GRB10: variants seen among roughly 807,000 people sequenced by gnomAD.
GRB10 encodes growth factor receptor-bound protein 10.
A neutral mutation model predicts 80.9 loss-of-function variants in GRB10; 20 were observed. The observed-to-expected ratio is 0.25, with a 90% CI of 0.17 to 0.36. The LOEUF (loss-of-function observed/expected upper bound fraction) is 0.36, where lower values mean the gene tolerates loss of function less well. Ranked by LOEUF, GRB10 falls within the 10% of genes least tolerant of loss-of-function variation. GRB10 has a pLI of 1.00. For missense variants in GRB10, 548 were observed against 747.7 expected (o/e 0.73, Z 3.12); for synonymous variants, 291 against 291.5 (o/e 1.00, Z 0.02).
chr7:50,770,225 C>T (rs2076845278), intron 2 of GRB10, among the ~76,000 whole-genome samples: 1 of 152,156 alleles, frequency 6.6e-6, no homozygotes, highest in African/African-American at 2.4e-5. Flanking sequence ...AGGCTGCATC[C>T]ACGTTTTAAC....
At chr7:50,732,674 C>T (rs959338189) in intron 3 of GRB10, among the ~76,000 whole-genome samples, 2 of 150,260 alleles carry the variant, frequency 1.3e-5, no homozygotes, top group African/African-American at 2.4e-5. Context: ...CCTGCACTGC[C>T]TCACCCTTCT....
At chr7:50,705,636 A>G (rs2064937285) in intron 4 of GRB10, among the ~76,000 whole-genome samples, 1 of 152,214 alleles carries the variant, frequency 6.6e-6, no homozygotes, top group Non-Finnish European at 1.5e-5. Flanking sequence ...CCTGATAAAC[A>G]CTGAATCATA....
chr7:50,648,817 G>C (rs191557253), intron 7 of GRB10, among the ~76,000 whole-genome samples: 20 of 152,252 alleles, frequency 1.3e-4, no homozygotes, highest in Non-Finnish European at 2.2e-4. Flanking sequence ...AAGCTTTTGA[G>C]AGCAATCTTC....
intron 17 of GRB10, 94 bp downstream of exon 17, chr7:50,603,904 G>T: frequency 9.4e-7 from 1 of 1,060,576 alleles, no homozygotes. Context: ...ACTGCTGCCT[G>T]TCCAGCAAGG....
At chr7:50,602,977 G>A (rs2047880257) in intron 17 of GRB10, among the ~76,000 whole-genome samples, 1 of 152,148 alleles carries the variant, frequency 6.6e-6, no homozygotes, top group South Asian at 2.1e-4. Context: ...AAGGGAAGAG[G>A]TGAAGTAAGC....
At chr7:50,710,935 A>G in intron 4 of GRB10, 1 of 1,609,796 alleles carries the variant, frequency 6.2e-7, no homozygotes, top group Non-Finnish European at 8.5e-7. Context: ...CTCTCTCTAC[A>G]GTGGGTATCA....
At chr7:50,620,545 A>G (rs1010813023) in intron 8 of GRB10, among the ~76,000 whole-genome samples, 6 of 152,178 alleles carry the variant, frequency 3.9e-5, no homozygotes, top group Non-Finnish European at 8.8e-5. Context: ...TTGACATTAC[A>G]AGGAAAGGAT....
At chr7:50,760,618 T>C (rs967963625) in intron 2 of GRB10, among the ~76,000 whole-genome samples, 2 of 152,148 alleles carry the variant, frequency 1.3e-5, no homozygotes, top group Non-Finnish European at 2.9e-5. Context: ...TCTAGTAAAA[T>C]GCACCCTAAA....
chr7:50,702,176 A>G (rs1243977977), intron 5 of GRB10, among the ~76,000 whole-genome samples: 1 of 151,970 alleles, frequency 6.6e-6, no homozygotes, highest in Admixed American at 6.6e-5. Context: ...GGCTGCATCC[A>G]CTCTGTCTGG....
rs2049846027 is a variant in GRB10 at position 50,612,933 on chromosome 7, C to A, written c.1096-94G>T. ...GGCTGCATCTGACACAAACCAGAGACAACCAGCTGGAGATCCCCCTAGCAA... is the reference window on the plus strand; with the variant it reads ...GGCTGCATCTGACACAAACCAGAGAAAACCAGCTGGAGATCCCCCTAGCAA... On this transcript the variant is annotated intron_variant, in intron 12 of 18. Coordinates refer to ENST00000401949, the MANE Select transcript of GRB10 (RefSeq NM_001350814.2). 20 of 800,238 alleles carry A rather than the reference C, an allele frequency of 2.5e-5. No individual in the cohort carries two copies. In the South Asian group the frequency reaches 2.9e-4, roughly 12 times the overall value. The allele number at this position is 800,238 out of a possible 1,614,324, so 49.6% of individuals were successfully genotyped here.
intron 2 of GRB10, among the ~76,000 whole-genome samples, chr7:50,764,639 G>A (rs1354963215): frequency 6.6e-6 from 1 of 152,170 alleles, no homozygotes; most frequent in African/African-American, 2.4e-5. Flanking sequence ...AGCTGGGGTG[G>A]GGGCAGCCTG....
intron 7 of GRB10, among the ~76,000 whole-genome samples, chr7:50,666,650 A>C (rs1041504002): frequency 6.6e-6 from 1 of 152,166 alleles, no homozygotes; most frequent in Non-Finnish European, 1.5e-5. Context: ...CGCCAGGTCC[A>C]CATCATGGTA....
intron 2 of GRB10, among the ~76,000 whole-genome samples, chr7:50,770,485 C>T (rs1175150491): frequency 6.6e-6 from 1 of 152,214 alleles, no homozygotes; most frequent in Non-Finnish European, 1.5e-5. Context: ...CCTGTGCTTC[C>T]ACCTGTGGTA....
At chr7:50,639,736 C>G (rs1364034537) in intron 7 of GRB10, among the ~76,000 whole-genome samples, 1 of 151,198 alleles carries the variant, frequency 6.6e-6, no homozygotes, top group African/African-American at 2.4e-5. Context: ...CCACAGTGAA[C>G]AAGTCTCACT....
At chr7:50,629,669 T>G (rs1002455786) in intron 7 of GRB10, among the ~76,000 whole-genome samples, 2 of 152,224 alleles carry the variant, frequency 1.3e-5, no homozygotes, top group Non-Finnish European at 2.9e-5. Flanking sequence ...ATGAGAATGT[T>G]TGTAAGGAAC....
chr7:50,739,973 T>C (rs2071433048), intron 3 of GRB10, among the ~76,000 whole-genome samples: 1 of 152,208 alleles, frequency 6.6e-6, no homozygotes, highest in Non-Finnish European at 1.5e-5. Context: ...ACACAGCTCA[T>C]CTGCTTAAAG....
chr7:50,718,186 A>C (rs2067178069), intron 4 of GRB10, among the ~76,000 whole-genome samples: 1 of 152,214 alleles, frequency 6.6e-6, no homozygotes, highest in Non-Finnish European at 1.5e-5. Context: ...AAGCTCCCTC[A>C]AATCAAGAAG....
chr7:50,790,757 C>G (rs10267306), intron 1 of GRB10, among the ~76,000 whole-genome samples: 8,634 of 152,318 alleles, frequency 0.057, 824 homozygotes, highest in African/African-American at 0.2. Flanking sequence ...ACCTTTAAAG[C>G]ATTCGGTTTT....
intron 7 of GRB10, among the ~76,000 whole-genome samples, chr7:50,653,388 C>T (rs1040549024): frequency 4.6e-5 from 7 of 152,208 alleles, no homozygotes; most frequent in Non-Finnish European, 7.3e-5. Context: ...AGCCTCCAGA[C>T]GCTATTGCAC....
Sources: allele counts gnomAD v4.1 joint callset (sites outside exome capture counted in the v4.1 genomes callset), GRCh38; gene constraint gnomAD v4.1.1; transcripts MANE v1.5; gene names NCBI Gene and HGNC (gene_info 2026-07-23, HGNC 2026-07-21).